Variants in KCTD8 observed in about 807,000 individuals in gnomAD.
KCTD8 encodes BTB/POZ domain-containing protein KCTD8.
Under a neutral mutation model 31.5 loss-of-function variants are expected in KCTD8, and 27 were observed. That is an observed-to-expected ratio of 0.86 (90% CI 0.63 to 1.18). The LOEUF (loss-of-function observed/expected upper bound fraction) is 1.18. Ranked by LOEUF, KCTD8 falls within the 50% of genes most tolerant of loss-of-function variation. The pLI, the probability that KCTD8 is intolerant of heterozygous loss-of-function variation, is 0.00. For synonymous variants in KCTD8, 290 were observed against 280.0 expected (o/e 1.04, Z -0.36); for missense variants, 658 against 647.7 (o/e 1.02, Z -0.17).
intron 1 of KCTD8, among the ~76,000 whole-genome samples, chr4:44,416,131 C>A (rs762378975): frequency 2.0e-5 from 3 of 152,188 alleles, no homozygotes; most frequent in African/African-American, 7.2e-5. Context: ...AGATTATTTT[C>A]GAGCTATAAG....
chr4:44,330,944 T>G (rs954480076), intron 1 of KCTD8, among the ~76,000 whole-genome samples: 2 of 151,776 alleles, frequency 1.3e-5, no homozygotes, highest in Non-Finnish European at 2.9e-5. Context: ...CATACCACAT[T>G]GTGACACTTC....
chr4:44,313,837 T>C (rs1577610223), intron 1 of KCTD8, among the ~76,000 whole-genome samples: 1 of 151,908 alleles, frequency 6.6e-6, no homozygotes, highest in Non-Finnish European at 1.5e-5. Context: ...AAGGCAAGAG[T>C]TGGCCAAGCA....
chr4:44,385,675 G>A (rs1720194307), intron 1 of KCTD8, among the ~76,000 whole-genome samples: 1 of 151,376 alleles, frequency 6.6e-6, no homozygotes, highest in Non-Finnish European at 1.5e-5. Context: ...AAGCACATGC[G>A]AAAACAGAAA....
In KCTD8 at chr4:44,447,498, C is replaced by A; in HGVS notation, c.961+65G>T. 2.1e-6 allele frequency: 3 copies of A among 1,450,278 alleles called. No individual in the cohort carries two copies. In the South Asian group the frequency reaches 4.4e-5, roughly 21 times the overall value. The allele number at this position is 1,450,278 out of a possible 1,614,324, so 89.8% of individuals were successfully genotyped here. On this transcript the variant is annotated intron_variant, in intron 1 of 1. Transcript: ENST00000360029. ...CACCCCCGCGGGGCCTCCAGCGGGG[C>A]TCAAACTGGCGGCGGCTCAGCAGGG... is the stretch of plus-strand genomic sequence containing the variant.
intron 1 of KCTD8, among the ~76,000 whole-genome samples, chr4:44,270,476 G>A (rs193024362): frequency 2.0e-5 from 3 of 151,912 alleles, no homozygotes; most frequent in Admixed American, 6.6e-5. Flanking sequence ...CACCAGCATG[G>A]CAGATATATA....
intron 1 of KCTD8, among the ~76,000 whole-genome samples, chr4:44,243,289 T>G (rs1240453896): frequency 6.6e-6 from 1 of 152,240 alleles, no homozygotes; most frequent in East Asian, 1.9e-4. Context: ...ATTACCCATG[T>G]GTTCTGACAA....
intron 1 of KCTD8, among the ~76,000 whole-genome samples, chr4:44,239,668 C>A (rs1715392923): frequency 6.6e-6 from 1 of 152,170 alleles, no homozygotes; most frequent in African/African-American, 2.4e-5. Flanking sequence ...ACCCATTTGA[C>A]ACTTCAAAGA....
chr4:44,356,163 C>A (rs1719336957), intron 1 of KCTD8, among the ~76,000 whole-genome samples: 2 of 152,182 alleles, frequency 1.3e-5, no homozygotes, highest in Non-Finnish European at 2.9e-5. Context: ...CAGAATTTGA[C>A]TATAGCTTAA....
intron 1 of KCTD8, among the ~76,000 whole-genome samples, chr4:44,382,356 C>T (rs1360575945): frequency 4.6e-5 from 7 of 151,976 alleles, no homozygotes; most frequent in African/African-American, 7.2e-5. Context: ...TACATCAATA[C>T]AATAAAGGCC....
At chr4:44,364,297 C>A (rs191753722) in intron 1 of KCTD8, among the ~76,000 whole-genome samples, 1 of 152,054 alleles carries the variant, frequency 6.6e-6, no homozygotes, top group African/African-American at 2.4e-5. Context: ...ACACCACACA[C>A]ACAAATATTA....
intron 1 of KCTD8, among the ~76,000 whole-genome samples, chr4:44,239,576 T>C (rs1157879979): frequency 2.0e-5 from 3 of 152,192 alleles, no homozygotes; most frequent in Non-Finnish European, 2.9e-5. Flanking sequence ...TAATTGCGTA[T>C]ATGGAATAGT....
chr4:44,413,881 G>GA (rs1217772409), intron 1 of KCTD8, among the ~76,000 whole-genome samples: 1 of 152,090 alleles, frequency 6.6e-6, no homozygotes, highest in Non-Finnish European at 1.5e-5. Flanking sequence ...AGAGGGACAG[G>GA]AAAATCAGAC....
chr4:44,187,113 T>C (rs1713612201), intron 1 of KCTD8, among the ~76,000 whole-genome samples: 1 of 152,216 alleles, frequency 6.6e-6, no homozygotes, highest in African/African-American at 2.4e-5. Context: ...AATATTCCTT[T>C]GGCAAAGTTC....
At chr4:44,392,874 A>T (rs1360565876) in intron 1 of KCTD8, among the ~76,000 whole-genome samples, 1 of 152,064 alleles carries the variant, frequency 6.6e-6, no homozygotes, top group African/African-American at 2.4e-5. Flanking sequence ...CTGAAAAAAC[A>T]TCTATTTTTA....
At chr4:44,407,432 G>T (rs376539703) in intron 1 of KCTD8, among the ~76,000 whole-genome samples, 20 of 147,256 alleles carry the variant, frequency 1.4e-4, no homozygotes, top group African/African-American at 4.5e-4. Flanking sequence ...TTGTTGCCCA[G>T]ACTGAGTGCA....
At chr4:44,308,274 A>C (rs185008019) in intron 1 of KCTD8, among the ~76,000 whole-genome samples, 4 of 152,038 alleles carry the variant, frequency 2.6e-5, no homozygotes, top group African/African-American at 9.7e-5. Flanking sequence ...CATTCAATCA[A>C]TCAATAAGTG....
intron 1 of KCTD8, among the ~76,000 whole-genome samples, chr4:44,180,337 A>G (rs1487670190): frequency 6.6e-6 from 1 of 152,184 alleles, no homozygotes; most frequent in Non-Finnish European, 1.5e-5. Context: ...TATCTGTAAA[A>G]AAAAAGAGTT....
intron 1 of KCTD8, among the ~76,000 whole-genome samples, chr4:44,323,451 G>C (rs899971704): frequency 1.3e-5 from 2 of 150,310 alleles, no homozygotes; most frequent in Non-Finnish European, 3.0e-5. Flanking sequence ...CTGAGATTGC[G>C]CCACTGCACT....
At chr4:44,340,547 A>T (rs1176131939) in intron 1 of KCTD8, among the ~76,000 whole-genome samples, 1 of 76,078 alleles carries the variant, frequency 1.3e-5, no homozygotes, top group Non-Finnish European at 2.7e-5. Context: ...TGACCTCATG[A>T]TCCACCCCGC....
Sources: allele counts gnomAD v4.1 joint callset (sites outside exome capture counted in the v4.1 genomes callset), GRCh38; gene constraint gnomAD v4.1.1; transcripts MANE v1.5; gene names NCBI Gene and HGNC (gene_info 2026-07-23, HGNC 2026-07-21).